DMD: variants seen among roughly 807,000 people sequenced by gnomAD.
DMD encodes the protein dystrophin, also known as mutant dystrophin.
In DMD, 63 loss-of-function variants were observed where a neutral mutation model predicts 330.1. The ratio of observed to expected loss-of-function variants is 0.19; its 90% CI spans 0.16 to 0.24. The LOEUF (loss-of-function observed/expected upper bound fraction) is 0.24, where lower values mean the gene tolerates loss of function less well. DMD is among the 10% of genes least tolerant of loss of function. The probability of loss-of-function intolerance (pLI) is 1.00; values close to 1 mark genes in which losing one functional copy is unlikely to be tolerated. For synonymous variants in DMD, 1,223 were observed against 959.8 expected, an observed-to-expected ratio of 1.27 and a Z score of -5.07; for missense variants, 3,344 against 2,684.1, an observed-to-expected ratio of 1.25 and a Z score of -5.43.
At chrX:31,749,603 T>C (rs1183299661) in intron 51 of DMD, among the ~76,000 whole-genome samples, 1 of 110,623 alleles carries the variant, frequency 9.0e-6, no homozygotes, top group Admixed American at 9.7e-5. Context: ...TCAATAAACA[T>C]ACATGTGCAT....
At chrX:32,713,573 A>G (rs922505864) in intron 7 of DMD, among the ~76,000 whole-genome samples, 8 of 111,530 alleles carry the variant, frequency 7.2e-5, no homozygotes, top group African/African-American at 2.6e-4. Context: ...AATAGTAACT[A>G]CTTCCTACTA....
At chrX:32,180,288 T>C (rs1284951516) in intron 44 of DMD, among the ~76,000 whole-genome samples, 2 of 111,839 alleles carry the variant, frequency 1.8e-5, no homozygotes, top group Non-Finnish European at 3.8e-5. Flanking sequence ...CTCTGAAATA[T>C]TACCTCCTTC....
chrX:33,231,367 A>T (rs2052385154), intron 1 of DMD, among the ~76,000 whole-genome samples: 1 of 112,167 alleles, frequency 8.9e-6, no homozygotes, highest in African/African-American at 3.2e-5. Context: ...TCTAGTGAGT[A>T]TTTTATACTA....
intron 43 of DMD, among the ~76,000 whole-genome samples, chrX:32,247,655 C>A (rs2097245828): frequency 9.0e-6 from 1 of 110,955 alleles, no homozygotes; most frequent in Non-Finnish European, 1.9e-5. Context: ...ATCATCTCAC[C>A]CGGATCCTTC....
chrX:33,066,734 A>G (rs766184902), intron 1 of DMD, among the ~76,000 whole-genome samples: 1 of 111,487 alleles, frequency 9.0e-6, no homozygotes, highest in African/African-American at 3.3e-5. Flanking sequence ...TAAAGCATGC[A>G]TAAGAATGCA....
intron 7 of DMD, among the ~76,000 whole-genome samples, chrX:32,735,544 C>T (rs1432221112): frequency 9.0e-6 from 1 of 111,415 alleles, no homozygotes. Flanking sequence ...ACCAAAACAG[C>T]ATGGTACTGG....
intron 55 of DMD, chrX:31,508,227 CTGTG>C: frequency 8.3e-7 from 1 of 1,205,920 alleles, no homozygotes; most frequent in Middle Eastern, 2.3e-4. Flanking sequence ...GTATGTCTTC[CTGTG>C]TAACATTTTC....
Position 32,217,079 on chromosome X carries a change from T to C in DMD, c.6291-16A>G, listed in dbSNP as rs769052398. On this transcript the variant is annotated splice_polypyrimidine_tract_variant and intron_variant, in intron 43 of 78. Coordinates refer to ENST00000357033, the MANE Select transcript of DMD (RefSeq NM_004006.3). ...GTCAAATCGCCTGCAGGTAAAAGCA[T>C]ATGGATCAAGAAAAATAGATGGATT... 1 of 1,204,233 alleles carries C rather than the reference T, an allele frequency of 8.3e-7. No homozygotes were observed. The highest frequency in any genetic ancestry group is 1.7e-5 in the African/African-American group (1 of 57,537).
chrX:32,363,016 A>G (rs1237032538), intron 36 of DMD, 58 bp from the exon 37 acceptor site: 1 of 1,069,391 alleles, frequency 9.4e-7, no homozygotes, highest in Non-Finnish European at 1.3e-6. Context: ...AGGTCAAGAT[A>G]GAAAAAGAGA....
intron 21 of DMD, among the ~76,000 whole-genome samples, chrX:32,482,984 G>GCATAC (rs1313703258): frequency 9.4e-6 from 1 of 106,876 alleles, no homozygotes; most frequent in African/African-American, 3.4e-5. Flanking sequence ...CTTATTTCCT[G>GCATAC]CATACTTAAT....
At chrX:31,609,518 C>CGTGTGTGTGT (rs74965499) in intron 55 of DMD, among the ~76,000 whole-genome samples, 10 of 109,687 alleles carry the variant, frequency 9.1e-5, no homozygotes, top group Non-Finnish European at 1.9e-4. Flanking sequence ...CGTGTGTGTG[C>CGTGTGTGTGT]GTGTGTGTGT....
At chrX:32,426,105 C>G (rs56234042) in intron 29 of DMD, among the ~76,000 whole-genome samples, 15,663 of 111,151 alleles carry the variant, frequency 0.14, 914 homozygotes, top group African/African-American at 0.2. Context: ...GCAATTGCAA[C>G]AAAAGCAAAC....
intron 62 of DMD, among the ~76,000 whole-genome samples, chrX:31,291,502 T>C (rs1347843791): frequency 1.8e-5 from 2 of 112,132 alleles, no homozygotes; most frequent in Non-Finnish European, 3.8e-5. Context: ...GCATTTCAGT[T>C]TGCAACCTCT....
intron 1 of DMD, among the ~76,000 whole-genome samples, chrX:33,076,496 C>T (rs1225279177): frequency 9.0e-6 from 1 of 111,066 alleles, no homozygotes; most frequent in African/African-American, 3.3e-5. Context: ...TTAGGGTGAT[C>T]GAGTGTCTGG....
At chrX:32,265,263 C>T (rs2097339814) in intron 43 of DMD, among the ~76,000 whole-genome samples, 2 of 112,614 alleles carry the variant, frequency 1.8e-5, no homozygotes, top group South Asian at 7.3e-4. Context: ...AGAGCTCAGC[C>T]CATGGCTACA....
At position 32,999,197 on chromosome X, in the gene DMD, C is replaced by T. The variant is rs144937123; in HGVS notation, c.93+20942G>A. The stretch of plus-strand genomic sequence containing the variant: ...AATGTTAGCTTTGAAGCAAGCTTGT[C>T]CAACCCGCAGCCTACAGGCTGCATG... On this transcript the variant is annotated intron_variant, in intron 2 of 78. Transcript: ENST00000357033. Among the ~76,000 whole-genome samples the T allele has an allele frequency of 9.1e-3, 1,030 of 112,654 alleles. 12 individuals carry two copies. Among genetic ancestry groups the T allele is most frequent in the African/African-American group, 0.03 (932 of 31,046 alleles).
At chrX:31,843,260 T>C (rs1327798171) in intron 48 of DMD, among the ~76,000 whole-genome samples, 1 of 111,982 alleles carries the variant, frequency 8.9e-6, no homozygotes, top group African/African-American at 3.2e-5. Flanking sequence ...CTGGGTTGAA[T>C]GACAGTGCAT....
chrX:32,341,788 A>G (rs1274358730), intron 41 of DMD, among the ~76,000 whole-genome samples: 1 of 111,848 alleles, frequency 8.9e-6, no homozygotes, highest in African/African-American at 3.2e-5. Flanking sequence ...AAGTAAAGTG[A>G]ATGTATGATA....
At chrX:33,213,458 C>T (rs1043002495), upstream of DMD, among the ~76,000 whole-genome samples, 15 of 111,210 alleles carry the variant, frequency 1.3e-4, no homozygotes, top group Admixed American at 1.3e-3. Context: ...AAATTTAGAC[C>T]GAACAAATTG....
Sources: gnomAD v4.1 joint callset for allele counts (sites outside exome capture counted in the v4.1 genomes callset) on GRCh38, gnomAD v4.1.1 for gene constraint, MANE v1.5 for transcripts, NCBI Gene and HGNC (gene_info 2026-07-23, HGNC 2026-07-21) for gene names.